The following GSG1L variants were observed in gnomAD, a reference collection of about 807,000 sequenced individuals.
GSG1L encodes the protein GSG1 like.
Under a neutral mutation model 42.1 loss-of-function variants are expected in GSG1L, and 24 were observed. The ratio of observed to expected loss-of-function variants is 0.57; its 90% CI spans 0.41 to 0.80. The LOEUF is 0.80. GSG1L is among the 30% of genes least tolerant of loss of function. The pLI, the probability that GSG1L is intolerant of heterozygous loss-of-function variation, is 0.00. For synonymous variants in GSG1L, 215 were observed against 203.5 expected (o/e 1.06, Z -0.48); for missense variants, 445 against 472.2 (o/e 0.94, Z 0.53).
intron 2 of GSG1L, among the ~76,000 whole-genome samples, chr16:27,887,455 T>C (rs182406128): frequency 6.6e-6 from 1 of 152,328 alleles, no homozygotes; most frequent in East Asian, 1.9e-4. Flanking sequence ...CGGTCCTTTG[T>C]TCTTTCAATC....
At chr16:27,933,554 C>CAGG (rs1005689760) in intron 2 of GSG1L, among the ~76,000 whole-genome samples, 12 of 146,670 alleles carry the variant, frequency 8.2e-5, no homozygotes, top group Admixed American at 6.4e-4. Flanking sequence ...GAGGCTAAGG[C>CAGG]AGGAGGATTG....
intron 3 of GSG1L, among the ~76,000 whole-genome samples, chr16:27,861,196 C>T (rs1042303962): frequency 7.9e-5 from 12 of 152,000 alleles, no homozygotes; most frequent in South Asian, 4.2e-4. Context: ...GGTGAAACCC[C>T]GTCTCTATTA....
At chr16:27,949,707 C>G (rs1347339854) in intron 2 of GSG1L, among the ~76,000 whole-genome samples, 4 of 152,126 alleles carry the variant, frequency 2.6e-5, no homozygotes, top group Non-Finnish European at 5.9e-5. Context: ...GGGCGGATCA[C>G]GAGGTCAGGA....
chr16:27,966,653 C>T (rs962175468), intron 1 of GSG1L, among the ~76,000 whole-genome samples: 1 of 152,164 alleles, frequency 6.6e-6, no homozygotes, highest in Admixed American at 6.5e-5. Flanking sequence ...CTCCCTGATG[C>T]CACGGACACA....
intron 2 of GSG1L, among the ~76,000 whole-genome samples, chr16:27,902,310 G>C (rs568213796): frequency 6.6e-6 from 1 of 152,180 alleles, no homozygotes; most frequent in South Asian, 2.1e-4. Flanking sequence ...GAAGGGAGCC[G>C]CTGTCATGAA....
At chr16:28,030,871 G>A (rs1489011284) in intron 1 of GSG1L, among the ~76,000 whole-genome samples, 1 of 140,436 alleles carries the variant, frequency 7.1e-6, no homozygotes, top group Non-Finnish European at 1.5e-5. Context: ...GATGGGATGG[G>A]ATGGGATGGG....
rs1287854089 is a variant in GSG1L, at chr16:28,059,988, G to T, written c.349+3088C>A. Among the ~76,000 whole-genome samples the T allele has an allele frequency of 6.6e-6, 1 of 152,152 alleles. No individual in the cohort carries two copies. Among genetic ancestry groups the T allele is most frequent in the Non-Finnish European group, 1.5e-5 (1 of 68,044 alleles). On this transcript the variant is annotated intron_variant, in intron 1 of 6. Coordinates refer to ENST00000447459, the MANE Select transcript of GSG1L (RefSeq NM_001109763.2). The surrounding 1 kb of genome is among the most constrained non-coding windows in gnomAD (Gnocchi z 4.4). Reference sequence around the variant, plus strand: ...GAGAGGTTTTTCTGAGCCTAGAAAGGAATGGCCGAACAGGCAAACAGGCGT... The same window carrying T: ...GAGAGGTTTTTCTGAGCCTAGAAAGTAATGGCCGAACAGGCAAACAGGCGT...
intron 1 of GSG1L, among the ~76,000 whole-genome samples, chr16:28,055,846 C>G (rs2086272844): frequency 6.6e-6 from 1 of 152,156 alleles, no homozygotes; most frequent in African/African-American, 2.4e-5. Context: ...CTGCACCGTC[C>G]TGAAGGCAGC....
chr16:27,803,838 T>G (rs900411284), intron 6 of GSG1L, among the ~76,000 whole-genome samples: 10 of 149,604 alleles, frequency 6.7e-5, no homozygotes, highest in Non-Finnish European at 7.4e-5. Context: ...GATATAGATA[T>G]ATAGATAGAT....
chr16:28,019,480 A>G (rs922457371), intron 1 of GSG1L, among the ~76,000 whole-genome samples: 2 of 152,204 alleles, frequency 1.3e-5, no homozygotes, highest in Non-Finnish European at 2.9e-5. Flanking sequence ...AAACTCTTGA[A>G]TAAGTTTTCA....
At chr16:27,823,943 T>TA (rs755285495) in intron 5 of GSG1L, 176 of 702,818 alleles carry the variant, frequency 2.5e-4, no homozygotes, top group Non-Finnish European at 3.8e-4. Context: ...CAATAACACT[T>TA]ACACATAGAA....
At chr16:28,047,361 GA>G (rs1377829909) in intron 1 of GSG1L, among the ~76,000 whole-genome samples, 1 of 150,690 alleles carries the variant, frequency 6.6e-6, no homozygotes, top group Non-Finnish European at 1.5e-5. Flanking sequence ...CATTAGTAAA[GA>G]AAAAAAGAAG....
intron 1 of GSG1L, among the ~76,000 whole-genome samples, chr16:28,003,704 C>G (rs1472824332): frequency 6.6e-6 from 1 of 152,198 alleles, no homozygotes; most frequent in Non-Finnish European, 1.5e-5. Context: ...CCAGAATTCC[C>G]CCTGGCAGCC....
At chr16:27,829,090 A>G in intron 4 of GSG1L, 134 bp from the exon 5 acceptor site, 1 of 783,140 alleles carries the variant, frequency 1.3e-6, no homozygotes, top group Non-Finnish European at 2.0e-6. Flanking sequence ...ACTGCCACAG[A>G]GAAGGATAAG....
chr16:28,062,191 AGCTGTCCGGCAGCT>A (rs2086349419), intron 1 of GSG1L, among the ~76,000 whole-genome samples: 1 of 152,178 alleles, frequency 6.6e-6, no homozygotes, highest in South Asian at 2.1e-4. Flanking sequence ...TGGCACAACC[AGCTGTCCGGCAGCT>A]GTCCCCTGGG....
At chr16:27,840,594 C>G (rs16977007) in intron 4 of GSG1L, among the ~76,000 whole-genome samples, 1,632 of 152,270 alleles carry the variant, frequency 0.011, 31 homozygotes, top group African/African-American at 0.036. Context: ...ACTAGCTCCT[C>G]GTGTTGGTTA....
At chr16:28,053,619 A>C (rs1251594839) in intron 1 of GSG1L, among the ~76,000 whole-genome samples, 2 of 152,154 alleles carry the variant, frequency 1.3e-5, no homozygotes, top group African/African-American at 2.4e-5. Flanking sequence ...GGGAAGGGCC[A>C]CGTGTGCTGC....
At chr16:27,902,510 CG>C (rs2084271769) in intron 2 of GSG1L, among the ~76,000 whole-genome samples, 1 of 151,556 alleles carries the variant, frequency 6.6e-6, no homozygotes, top group Admixed American at 6.6e-5. Context: ...GCAGACCCCG[CG>C]GGTGCCGATG....
intron 2 of GSG1L, among the ~76,000 whole-genome samples, chr16:27,926,414 A>C (rs1182303598): frequency 6.6e-6 from 1 of 152,164 alleles, no homozygotes; most frequent in Non-Finnish European, 1.5e-5. Flanking sequence ...TCATGCCTGA[A>C]GCCACTGGGC....
Sources: gnomAD v4.1 joint callset for allele counts (sites outside exome capture counted in the v4.1 genomes callset) on GRCh38, gnomAD v4.1.1 for gene constraint, Gnocchi (gnomAD v3.1) non-coding constraint, MANE v1.5 for transcripts, NCBI Gene and HGNC (gene_info 2026-07-23, HGNC 2026-07-21) for gene names.